The following CYP7B1 variants were observed in gnomAD, a reference collection of about 807,000 sequenced individuals.
CYP7B1 encodes the protein cytochrome P450 family 7 subfamily B member 1, also known as cytochrome P450 7B1.
In CYP7B1, 29 loss-of-function variants were observed where a neutral mutation model predicts 42.7. The observed-to-expected ratio is 0.68, with a 90% CI of 0.51 to 0.93. The LOEUF (loss-of-function observed/expected upper bound fraction) is 0.93, where lower values mean the gene tolerates loss of function less well. Among genes scored for constraint, CYP7B1 ranks in the 40% least tolerant of loss-of-function variants. CYP7B1 has a pLI of 0.00. For synonymous variants in CYP7B1, 235 were observed against 218.2 expected (o/e 1.08, Z -0.68); for missense variants, 655 against 600.5 (o/e 1.09, Z -0.95).
intron 1 of CYP7B1, among the ~76,000 whole-genome samples, chr8:64,751,642 A>G (rs991548431): frequency 6.6e-6 from 1 of 152,180 alleles, no homozygotes; most frequent in Non-Finnish European, 1.5e-5. Context: ...GCATGCATGC[A>G]TTTCAGCCTT....
chr8:64,773,702 A>G (rs953820546), intron 1 of CYP7B1, among the ~76,000 whole-genome samples: 1 of 152,134 alleles, frequency 6.6e-6, no homozygotes, highest in African/African-American at 2.4e-5. Flanking sequence ...TATTAATCTC[A>G]CAGTTCTGGA....
At position 64,595,748 on chromosome 8, in the gene CYP7B1, C is replaced by T. The variant is rs1805108060; in HGVS notation, c.*894G>A. ...AAATCCAAAAGGTGAGACATCAAAA[C>T]CAAATACTATATCTAGCTTCTCAGT... is the stretch of plus-strand genomic sequence containing the variant. On this transcript the variant is annotated 3_prime_UTR_variant, in exon 6 of 6. Transcript: ENST00000310193. 6.6e-6 allele frequency among the ~76,000 whole-genome samples: 1 copy of T among 152,150 alleles called. No homozygotes were observed. The highest frequency in any genetic ancestry group is 2.1e-4 in the South Asian group (1 of 4,826).
chr8:64,748,702 T>C (rs1233989275), intron 1 of CYP7B1, among the ~76,000 whole-genome samples: 1 of 152,196 alleles, frequency 6.6e-6, no homozygotes, highest in African/African-American at 2.4e-5. Context: ...CACCCTCATT[T>C]TCTATCCATT....
At chr8:64,663,891 C>T (rs1806237412) in intron 1 of CYP7B1, among the ~76,000 whole-genome samples, 1 of 152,188 alleles carries the variant, frequency 6.6e-6, no homozygotes, top group African/African-American at 2.4e-5. Context: ...AGTGCTTCAG[C>T]TATGTGGTTA....
At chr8:64,740,666 G>C (rs997051957) in intron 1 of CYP7B1, among the ~76,000 whole-genome samples, 4 of 150,668 alleles carry the variant, frequency 2.7e-5, no homozygotes, top group African/African-American at 9.8e-5. Context: ...ATGAAAGAGG[G>C]GTAATCACTA....
chr8:64,645,029 C>A (rs1045799158), intron 1 of CYP7B1, among the ~76,000 whole-genome samples: 3 of 151,098 alleles, frequency 2.0e-5, no homozygotes, highest in East Asian at 1.9e-4. Flanking sequence ...TTTGTCCTTG[C>A]AATAGTTTAC....
chr8:64,642,860 G>T (rs1443943158), intron 1 of CYP7B1, among the ~76,000 whole-genome samples: 1 of 151,910 alleles, frequency 6.6e-6, no homozygotes, highest in African/African-American at 2.4e-5. Context: ...GAGCCCTGGG[G>T]TGCTGTGTCC....
chr8:64,678,549 A>G (rs1806485831), intron 1 of CYP7B1, among the ~76,000 whole-genome samples: 1 of 152,186 alleles, frequency 6.6e-6, no homozygotes, highest in Admixed American at 6.6e-5. Flanking sequence ...TTGAACAAGC[A>G]AAGAGGTGGG....
At chr8:64,673,894 T>C (rs1806404520) in intron 1 of CYP7B1, among the ~76,000 whole-genome samples, 1 of 152,086 alleles carries the variant, frequency 6.6e-6, no homozygotes, top group African/African-American at 2.4e-5. Context: ...AGATGAGTGA[T>C]GACTGGAAAA....
intron 5 of CYP7B1, among the ~76,000 whole-genome samples, chr8:64,603,181 A>G (rs1276552109): frequency 6.6e-6 from 1 of 152,180 alleles, no homozygotes; most frequent in Non-Finnish European, 1.5e-5. Context: ...TCTGATTACT[A>G]TTTGATTTAT....
chr8:64,762,975 C>G (rs1349028810), intron 1 of CYP7B1, among the ~76,000 whole-genome samples: 1 of 152,128 alleles, frequency 6.6e-6, no homozygotes, highest in Non-Finnish European at 1.5e-5. Context: ...CTTTGGGTCC[C>G]CTCCCACTGT....
intron 1 of CYP7B1, among the ~76,000 whole-genome samples, chr8:64,742,428 GATTT>G (rs1235981307): frequency 2.0e-5 from 3 of 151,848 alleles, no homozygotes; most frequent in Non-Finnish European, 2.9e-5. Context: ...TGTTTTGATG[GATTT>G]ATTAATAAGA....
intron 1 of CYP7B1, among the ~76,000 whole-genome samples, chr8:64,645,120 A>C (rs1007740102): frequency 2.0e-5 from 3 of 151,126 alleles, no homozygotes; most frequent in African/African-American, 7.3e-5. Context: ...ATAGTATTCC[A>C]TGGTGTATAT....
At chr8:64,639,678 C>CAGTT (rs1264066937) in intron 1 of CYP7B1, among the ~76,000 whole-genome samples, 3 of 152,010 alleles carry the variant, frequency 2.0e-5, no homozygotes, top group Non-Finnish European at 4.4e-5. Context: ...TAAAATAGTA[C>CAGTT]AGTTACCTGG....
At chr8:64,669,080 T>A (rs1806326116) in intron 1 of CYP7B1, among the ~76,000 whole-genome samples, 1 of 152,106 alleles carries the variant, frequency 6.6e-6, no homozygotes, top group Non-Finnish European at 1.5e-5. Context: ...ATGAGAAACC[T>A]ACTTTGCCAA....
At chr8:64,784,674 C>A (rs1489399930) in intron 1 of CYP7B1, among the ~76,000 whole-genome samples, 1 of 152,144 alleles carries the variant, frequency 6.6e-6, no homozygotes, top group South Asian at 2.1e-4. Context: ...GATGCTCTTG[C>A]CACTATATGA....
intron 1 of CYP7B1, among the ~76,000 whole-genome samples, chr8:64,787,694 T>C (rs149943080): frequency 1.3e-5 from 2 of 152,338 alleles, no homozygotes; most frequent in African/African-American, 2.4e-5. Context: ...GTTGCTTCCA[T>C]ATTTTTGGGA....
At chr8:64,776,191 T>C (rs1563424383) in intron 1 of CYP7B1, among the ~76,000 whole-genome samples, 1 of 152,132 alleles carries the variant, frequency 6.6e-6, no homozygotes, top group Non-Finnish European at 1.5e-5. Flanking sequence ...CTTACCAATG[T>C]TTCACAGACC....
chr8:64,763,734 C>A (rs7826501), intron 1 of CYP7B1, among the ~76,000 whole-genome samples: 40,930 of 152,118 alleles, frequency 0.27, 6,793 homozygotes, highest in African/African-American at 0.47. Context: ...GCCGAGGCCG[C>A]CTAGAGGCAG....
Sources: allele counts gnomAD v4.1 joint callset (sites outside exome capture counted in the v4.1 genomes callset), GRCh38; gene constraint gnomAD v4.1.1; transcripts MANE v1.5; gene names NCBI Gene and HGNC (gene_info 2026-07-23, HGNC 2026-07-21).